Variants in ZNF746 observed in about 807,000 individuals in gnomAD.
The protein encoded by ZNF746 is parkin-interacting substrate.
A neutral mutation model predicts 41.0 loss-of-function variants in ZNF746; 13 were observed. That is an observed-to-expected ratio of 0.32 (90% CI 0.21 to 0.50). ZNF746 has a LOEUF of 0.50. Ranked by LOEUF, ZNF746 falls within the 20% of genes least tolerant of loss-of-function variation. The pLI, the probability that ZNF746 is intolerant of heterozygous loss-of-function variation, is 0.98. For missense variants in ZNF746, 811 were observed against 922.9 expected, an observed-to-expected ratio of 0.88 and a Z score of 1.57; for synonymous variants, 424 against 396.2, an observed-to-expected ratio of 1.07 and a Z score of -0.83.
chr7:149,497,204 C>T lies in ZNF746; in HGVS notation c.24+309G>A. 2.0e-6 allele frequency: 2 copies of T among 984,790 alleles called. No individual in the cohort carries two copies. Among genetic ancestry groups the T allele is most frequent in the Non-Finnish European group, 2.4e-6 (2 of 829,430 alleles). The allele number at this position is 984,790 out of a possible 1,614,324, so 61.0% of individuals were successfully genotyped here. A position where few individuals can be genotyped will look rare whatever the true frequency, so the allele number is the denominator to read the frequency against. On this transcript the variant is annotated intron_variant, in intron 1 of 6. Coordinates refer to ENST00000458143, the MANE Select transcript of ZNF746 (RefSeq NM_001394198.1). The surrounding 1 kb of genome is among the most constrained non-coding windows in gnomAD (Gnocchi z 4.2). ...GAGAAAGGAGCCGCGGGTGGGGGGG[C>T]ACCCAGAAGGAGGGGACAGCGGCTG... is the stretch of plus-strand genomic sequence containing the variant.
At position 149,473,880 on chromosome 7, in the gene ZNF746, C is replaced by T. The variant is rs1225253056; in HGVS notation, c.*504G>A. 6.0e-6 allele frequency: 1 copy of T among 167,250 alleles called. No individual in the cohort carries two copies. The highest frequency in any genetic ancestry group is 1.3e-5 in the Non-Finnish European group (1 of 75,844). 10.4% of individuals were successfully genotyped at this position (167,250 alleles called of 1,614,324 possible). On this transcript the variant is annotated 3_prime_UTR_variant, in exon 7 of 7. Transcript: ENST00000458143. ...GTGCTCCAAGGGACCCAATGGCCCT[C>T]ACTGCCCAGGGGCTTGGTGCGCTAG...
chr7:149,477,074 T>G (rs1355119560), intron 5 of ZNF746, 27 bp from the exon 6 acceptor site: 2 of 1,603,898 alleles, frequency 1.2e-6, no homozygotes, highest in East Asian at 4.5e-5. Context: ...GCAGAGCCGG[T>G]GGGTTAGGGG....
In ZNF746 at chr7:149,494,279, G is replaced by A. The variant is rs201714873; in HGVS notation, c.249C>T (p.Asn83=). Residue 83 remains asparagine (N), a synonymous_variant, in exon 2 of 7, where the codon AAC becomes AAT. Coordinates refer to ENST00000458143, the MANE Select transcript of ZNF746 (RefSeq NM_001394198.1). This position sits in a 1 kb window ranked among gnomAD's most constrained non-coding sequence, Gnocchi z 5.6. The part of the protein sequence containing the change: ...EYGLLQRRLE[N]VENLLRNRNF... ...TCCTGTTGCGCAGCAGGTTCTCCAC[G>A]TTCTCCAGCCGCCTCTGCAGCAGCC... 4.2e-3 allele frequency: 6,773 copies of A among 1,614,080 alleles called. 252 individuals are homozygous for A. In the South Asian group the frequency reaches 0.064, roughly 15 times the overall value.
At position 149,491,829 on chromosome 7, in the gene ZNF746, C is replaced by G. The variant is rs570212613; in HGVS notation, c.565+1030G>C. 4.6e-5 allele frequency: 32 copies of G among 700,376 alleles called. 1 individual carries two copies. The highest frequency in any genetic ancestry group is 4.5e-4 in the African/African-American group (26 of 57,270). The allele number at this position is 700,376 out of a possible 1,614,324, so 43.4% of individuals were successfully genotyped here. On this transcript the variant is annotated intron_variant, in intron 4 of 6. Transcript: ENST00000458143. Reference sequence around the variant, plus strand: ...GGGTCGAGCCTTGCAGAGATGTGGTCTCCCTAGTCAAATGACCCAGCAGGT... The same window carrying G: ...GGGTCGAGCCTTGCAGAGATGTGGTGTCCCTAGTCAAATGACCCAGCAGGT...
chr7:149,493,215 G>C (rs970738872), intron 3 of ZNF746, among the ~76,000 whole-genome samples: 19 of 152,208 alleles, frequency 1.2e-4, no homozygotes, highest in Admixed American at 1.2e-3. Context: ...GGCCAGGGCT[G>C]CTGCTCAACA....
At position 149,480,423 on chromosome 7, in the gene ZNF746, TTTTG is replaced by T. The variant is rs59225315; in HGVS notation, c.566-2672_566-2669del. Among the ~76,000 whole-genome samples, 217 of 151,400 alleles carry T rather than the reference TTTTG, an allele frequency of 1.4e-3. 1 individual carries two copies. The highest frequency in any genetic ancestry group is 4.0e-3 in the South Asian group (19 of 4,768). ...GAATGGTGAGAAAAAATAACTGTTGTTTTGTTTGTTTGTTTGTTTGTTTGTTTGA... is the reference window on the plus strand; with the variant it reads ...GAATGGTGAGAAAAAATAACTGTTGTTTTGTTTGTTTGTTTGTTTGTTTGA... On this transcript the variant is annotated intron_variant, in intron 4 of 6. Coordinates refer to ENST00000458143, the MANE Select transcript of ZNF746 (RefSeq NM_001394198.1).
rs766656184 is a variant in ZNF746, at chr7:149,477,064, G to A, written c.758-17C>T. 16 of 1,608,460 alleles carry A rather than the reference G, an allele frequency of 9.9e-6. No individual in the cohort carries two copies. Among genetic ancestry groups the A allele is most frequent in the Admixed American group, 1.7e-5 (1 of 59,700 alleles). On this transcript the variant is annotated splice_polypyrimidine_tract_variant and intron_variant, in intron 5 of 6. Coordinates refer to ENST00000458143, the MANE Select transcript of ZNF746 (RefSeq NM_001394198.1). ...AATGGACACCTGCGGTAAGGGGAGA[G>A]CAGAGCCGGTGGGTTAGGGGACGGA... is the stretch of plus-strand genomic sequence containing the variant.
rs562221850 is a variant in ZNF746, at chr7:149,475,615, G to A, written c.884-132C>T. The A allele has an allele frequency of 1.4e-4, 204 of 1,444,900 alleles. No homozygotes were observed. In the East Asian group the frequency reaches 4.5e-3, roughly 32 times the overall value. The allele number at this position is 1,444,900 out of a possible 1,614,324, so 89.5% of individuals were successfully genotyped here. On this transcript the variant is annotated intron_variant, in intron 6 of 6. Transcript: ENST00000458143. ...CCAGGCCCTCGTGGCTGAGCCCAGA[G>A]GGCAGCTCAGCAGAGCAGCCTGGTG...
Position 149,497,112 on chromosome 7 carries a change from A to C in ZNF746, c.24+401T>G, listed in dbSNP as rs1585746542. On this transcript the variant is annotated intron_variant, in intron 1 of 6. Coordinates refer to ENST00000458143, the MANE Select transcript of ZNF746 (RefSeq NM_001394198.1). The surrounding 1 kb of genome is among the most constrained non-coding windows in gnomAD (Gnocchi z 4.2). Reference sequence around the variant, plus strand: ...GGTGTATGCGGATTCGAAGCCGGACACCTCCCAGGTGCCACCAGGCCGCTG... The same window carrying C: ...GGTGTATGCGGATTCGAAGCCGGACCCCTCCCAGGTGCCACCAGGCCGCTG... 2.0e-6 allele frequency: 2 copies of C among 984,886 alleles called. No individual in the cohort carries two copies. The highest frequency in any genetic ancestry group is 2.4e-6 in the Non-Finnish European group (2 of 829,814). The allele number at this position is 984,886 out of a possible 1,614,324, so 61.0% of individuals were successfully genotyped here. A position where few individuals can be genotyped will look rare whatever the true frequency, so the allele number is the denominator to read the frequency against.
At chr7:149,495,932 G>C (rs895303332) in intron 1 of ZNF746, among the ~76,000 whole-genome samples, 2 of 152,174 alleles carry the variant, frequency 1.3e-5, no homozygotes. Context: ...CTCTCAAGGA[G>C]TAGGTGGTCC....
At position 149,475,576 on chromosome 7, in the gene ZNF746, C is replaced by T. The variant is rs1226993734; in HGVS notation, c.884-93G>A. 50 of 1,512,012 alleles carry T rather than the reference C, an allele frequency of 3.3e-5. No individual in the cohort carries two copies. The Admixed American group carries it at 9.4e-4, about 28-fold the overall frequency. The allele number at this position is 1,512,012 out of a possible 1,614,324, so 93.7% of individuals were successfully genotyped here. A position where few individuals can be genotyped will look rare whatever the true frequency, so the allele number is the denominator to read the frequency against. ...ATCACCTGCTCAGCAGCTGCCTGGC[C>T]AGACAAACTCCACCCAGGCCCTCGT... On this transcript the variant is annotated intron_variant, in intron 6 of 6. Coordinates refer to ENST00000458143, the MANE Select transcript of ZNF746 (RefSeq NM_001394198.1).
At chr7:149,486,909 A>G (rs1325375918) in intron 4 of ZNF746, among the ~76,000 whole-genome samples, 2 of 152,208 alleles carry the variant, frequency 1.3e-5, no homozygotes, top group Non-Finnish European at 2.9e-5. Flanking sequence ...GTTATGTATA[A>G]TACACAGTAA....
rs910828848 is a variant in ZNF746 at position 149,494,812 on chromosome 7, T to C, written c.25-309A>G. On this transcript the variant is annotated intron_variant, in intron 1 of 6. Coordinates refer to ENST00000458143, the MANE Select transcript of ZNF746 (RefSeq NM_001394198.1). This position sits in a 1 kb window ranked among gnomAD's most constrained non-coding sequence, Gnocchi z 5.6. ...TGGGCTCCCTGAACATGGTATTGCA[T>C]CTTTTCATACCACTGTCCTTGACAC... 2.0e-5 allele frequency among the ~76,000 whole-genome samples: 3 copies of C among 152,052 alleles called. No homozygotes were observed. Among genetic ancestry groups the C allele is most frequent in the African/African-American group, 7.2e-5 (3 of 41,430 alleles).
At chr7:149,479,417 C>G (rs1800418758) in intron 4 of ZNF746, among the ~76,000 whole-genome samples, 1 of 152,104 alleles carries the variant, frequency 6.6e-6, no homozygotes, top group African/African-American at 2.4e-5. Flanking sequence ...TTTTATTGCA[C>G]AAACTAGAGG....
rs760536223 is a variant in ZNF746 at position 149,494,002 on chromosome 7, C to T, written c.438G>A (p.Thr146=). ...YKHVMRGNYE[T]LVSLDYAISK... is the part of the protein sequence containing the mutation. ...GTCAGGCCTTACCCAGGGAGACCAGCGTCTCGTAGTTGCCCCTCATCACGT... is the reference window on the plus strand; with the variant it reads ...GTCAGGCCTTACCCAGGGAGACCAGTGTCTCGTAGTTGCCCCTCATCACGT... The change falls in exon 3 of 7, where the codon ACG becomes ACA. Residue 146 remains threonine (T), a synonymous_variant. Coordinates refer to ENST00000458143, the MANE Select transcript of ZNF746 (RefSeq NM_001394198.1). The surrounding 1 kb of genome is among the most constrained non-coding windows in gnomAD (Gnocchi z 5.6). The T allele has an allele frequency of 8.1e-6, 13 of 1,614,064 alleles. No individual in the cohort carries two copies. Among genetic ancestry groups the T allele is most frequent in the African/African-American group, 4.0e-5 (3 of 74,910 alleles).
At position 149,491,784 on chromosome 7, in the gene ZNF746, G is replaced by A. The variant is rs575353746; in HGVS notation, c.565+1075C>T. 212 of 678,288 alleles carry A rather than the reference G, an allele frequency of 3.1e-4. 1 individual carries two copies. Among genetic ancestry groups the A allele is most frequent in the African/African-American group, 2.6e-3 (146 of 56,442 alleles). The allele number at this position is 678,288 out of a possible 1,614,324, so 42.0% of individuals were successfully genotyped here. A position where few individuals can be genotyped will look rare whatever the true frequency, so the allele number is the denominator to read the frequency against. Reference sequence around the variant, plus strand: ...CAAGGCAGGTGGGACGGTCAAGGGCGGGTCTTCTGGAGGAATCAGGGGTCG... The same window carrying A: ...CAAGGCAGGTGGGACGGTCAAGGGCAGGTCTTCTGGAGGAATCAGGGGTCG... On this transcript the variant is annotated intron_variant, in intron 4 of 6. Coordinates refer to ENST00000458143, the MANE Select transcript of ZNF746 (RefSeq NM_001394198.1).
At position 149,497,170 on chromosome 7, in the gene ZNF746, C is replaced by A. The variant is rs1249385920; in HGVS notation, c.24+343G>T. The A allele has an allele frequency of 3.0e-6, 3 of 985,160 alleles. No individual in the cohort carries two copies. The African/African-American group carries it at 5.2e-5, about 17-fold the overall frequency. The allele number at this position is 985,160 out of a possible 1,614,324, so 61.0% of individuals were successfully genotyped here. A position where few individuals can be genotyped will look rare whatever the true frequency, so the allele number is the denominator to read the frequency against. On this transcript the variant is annotated intron_variant, in intron 1 of 6. Coordinates refer to ENST00000458143, the MANE Select transcript of ZNF746 (RefSeq NM_001394198.1). The surrounding 1 kb of genome is among the most constrained non-coding windows in gnomAD (Gnocchi z 4.2). ...GATGGAGAGGGACCTACAGGCCGAG[C>A]GCCAGGCAGAGAAAGGAGCCGCGGG... is the stretch of plus-strand genomic sequence containing the variant.
At position 149,476,791 on chromosome 7, in the gene ZNF746, A is replaced by T. The variant is rs1021282866; in HGVS notation, c.883+131T>A. 9 of 1,239,078 alleles carry T rather than the reference A, an allele frequency of 7.3e-6. No homozygotes were observed. The African/African-American group carries it at 1.3e-4, about 18-fold the overall frequency. 76.8% of individuals were successfully genotyped at this position (1,239,078 alleles called of 1,614,324 possible). A position where few individuals can be genotyped will look rare whatever the true frequency, so the allele number is the denominator to read the frequency against. On this transcript the variant is annotated intron_variant, in intron 6 of 6. Coordinates refer to ENST00000458143, the MANE Select transcript of ZNF746 (RefSeq NM_001394198.1). Reference sequence around the variant, plus strand: ...AATAACAGAATGTGCAAAGGGTCATAAGAGTGCAGACACCCTAATGTCTGT... The same window carrying T: ...AATAACAGAATGTGCAAAGGGTCATTAGAGTGCAGACACCCTAATGTCTGT...
At chr7:149,488,309 G>T (rs922012902) in intron 4 of ZNF746, 1 of 152,046 alleles carries the variant, frequency 6.6e-6, no homozygotes, top group Non-Finnish European at 1.5e-5. Flanking sequence ...AAATAGAGAA[G>T]AGTATCTTTC....
Sources: allele counts gnomAD v4.1 joint callset (sites outside exome capture counted in the v4.1 genomes callset), GRCh38; gene constraint gnomAD v4.1.1; non-coding constraint Gnocchi (gnomAD v3.1); transcripts MANE v1.5; gene names NCBI Gene and HGNC (gene_info 2026-07-23, HGNC 2026-07-21).